Variants in ERBB4 observed in about 807,000 individuals in gnomAD.
The protein encoded by ERBB4 is erb-b2 receptor tyrosine kinase 4.
A neutral mutation model predicts 158.0 loss-of-function variants in ERBB4; 42 were observed. That is an observed-to-expected ratio of 0.27 (90% confidence interval 0.21 to 0.34). The LOEUF (loss-of-function observed/expected upper bound fraction) is 0.34, where lower values mean the gene tolerates loss of function less well. ERBB4 is among the 10% of genes least tolerant of loss of function. ERBB4 has a pLI of 1.00. For missense variants in ERBB4, 1,333 were observed against 1,624.1 expected (o/e 0.82, Z 3.08); for synonymous variants, 583 against 558.7 (o/e 1.04, Z -0.61).
intron 2 of ERBB4, among the ~76,000 whole-genome samples, chr2:212,003,729 G>A (rs148936639): frequency 6.6e-6 from 1 of 151,962 alleles, no homozygotes; most frequent in African/African-American, 2.4e-5. Flanking sequence ...CGTATTAATC[G>A]ACCTGTTCCA....
chr2:212,416,914 T>C (rs565151240), intron 1 of ERBB4, among the ~76,000 whole-genome samples: 9 of 152,220 alleles, frequency 5.9e-5, no homozygotes, highest in African/African-American at 2.2e-4. Flanking sequence ...ATAAGGATGA[T>C]TTTCACTTCC....
chr2:211,822,983 A>G (rs1447536785), intron 3 of ERBB4, among the ~76,000 whole-genome samples: 1 of 151,956 alleles, frequency 6.6e-6, no homozygotes, highest in Non-Finnish European at 1.5e-5. Flanking sequence ...TACCATCATC[A>G]TGGGAAGAAC....
chr2:211,562,211 A>C (rs2067415678), intron 19 of ERBB4, 123 bp from the exon 20 acceptor site: 3 of 780,936 alleles, frequency 3.8e-6, no homozygotes, highest in East Asian at 2.6e-5. Context: ...GGAATCAATC[A>C]AAATGAAAAG....
chr2:211,697,003 A>AAATG (rs1373775888), intron 12 of ERBB4, among the ~76,000 whole-genome samples: 1 of 152,176 alleles, frequency 6.6e-6, no homozygotes, highest in Non-Finnish European at 1.5e-5. Context: ...AATCACGGTG[A>AAATG]AATGAAGAGC....
intron 3 of ERBB4, among the ~76,000 whole-genome samples, chr2:211,810,182 G>A (rs534869978): frequency 1.3e-5 from 2 of 152,304 alleles, no homozygotes; most frequent in East Asian, 1.9e-4. Context: ...TTGGGGAAGC[G>A]AGTTCTGTAG....
intron 2 of ERBB4, among the ~76,000 whole-genome samples, chr2:212,067,889 A>G (rs2077991145): frequency 6.6e-6 from 1 of 151,468 alleles, no homozygotes; most frequent in Non-Finnish European, 1.5e-5. Context: ...TAGAATTGCT[A>G]CCTACTAACT....
At chr2:212,305,956 G>A (rs1464242570) in intron 1 of ERBB4, among the ~76,000 whole-genome samples, 1 of 151,266 alleles carries the variant, frequency 6.6e-6, no homozygotes, top group African/African-American at 2.4e-5. Context: ...TAATTTATTT[G>A]AAGCCAATGA....
intron 6 of ERBB4, among the ~76,000 whole-genome samples, chr2:211,724,064 G>A (rs1201558241): frequency 6.6e-6 from 1 of 152,194 alleles, no homozygotes; most frequent in Non-Finnish European, 1.5e-5. Context: ...TGAAACACCT[G>A]CAGTGTTCAA....
At chr2:211,659,908 C>G (rs191324174) in intron 15 of ERBB4, among the ~76,000 whole-genome samples, 2 of 152,150 alleles carry the variant, frequency 1.3e-5, no homozygotes, top group Admixed American at 1.3e-4. Flanking sequence ...AGGGCAGACA[C>G]CTAGAGCCAA....
At position 212,080,244 on chromosome 2, in the gene ERBB4, C is replaced by T. The variant is rs146668310; in HGVS notation, c.234+44508G>A. ...GGAAAATCCGTTTGAACCCGGGAAG[C>T]GGAGGTTGCAGTGAGCCGGGATTGT... is the stretch of plus-strand genomic sequence containing the variant. On this transcript the variant is annotated intron_variant, in intron 2 of 27. Coordinates refer to ENST00000342788, the MANE Select transcript of ERBB4 (RefSeq NM_005235.3). 1.5e-3 allele frequency among the ~76,000 whole-genome samples: 234 copies of T among 151,570 alleles called. 1 individual carries two copies. The highest frequency in any genetic ancestry group is 5.3e-3 in the African/African-American group (220 of 41,302).
chr2:212,488,574 T>A (rs551331662), intron 1 of ERBB4, among the ~76,000 whole-genome samples: 1 of 151,998 alleles, frequency 6.6e-6, no homozygotes, highest in Admixed American at 6.6e-5. Context: ...AAGATTTGGG[T>A]TACAAAGGAT....
chr2:212,308,573 T>G (rs1215535510), intron 1 of ERBB4, among the ~76,000 whole-genome samples: 1 of 151,006 alleles, frequency 6.6e-6, no homozygotes, highest in Non-Finnish European at 1.5e-5. Context: ...GTTTAAAGTA[T>G]TAAAGGTTGA....
intron 1 of ERBB4, among the ~76,000 whole-genome samples, chr2:212,527,685 A>T (rs1692522632): frequency 8.1e-6 from 1 of 123,074 alleles, no homozygotes; most frequent in South Asian, 2.4e-4. Flanking sequence ...GCAGATCCCC[A>T]AATCTTTTAT....
At chr2:212,013,738 A>G (rs1409246901) in intron 2 of ERBB4, among the ~76,000 whole-genome samples, 1 of 152,076 alleles carries the variant, frequency 6.6e-6, no homozygotes, top group Non-Finnish European at 1.5e-5. Flanking sequence ...TCTTCCCTAG[A>G]GCATCTTTTG....
intron 1 of ERBB4, among the ~76,000 whole-genome samples, chr2:212,256,362 C>T (rs148106262): frequency 0.012 from 1,828 of 152,128 alleles, 25 homozygotes; most frequent in African/African-American, 0.041. Context: ...TCATCGTCAT[C>T]ATTTTATTAT....
At chr2:211,962,601 T>A (rs1361681556) in intron 2 of ERBB4, among the ~76,000 whole-genome samples, 2 of 152,120 alleles carry the variant, frequency 1.3e-5, no homozygotes, top group African/African-American at 4.8e-5. Flanking sequence ...ATGTTCTTAG[T>A]TGCAGGGTAA....
At chr2:211,795,845 T>C (rs1344621354) in intron 3 of ERBB4, among the ~76,000 whole-genome samples, 1 of 151,752 alleles carries the variant, frequency 6.6e-6, no homozygotes, top group Non-Finnish European at 1.5e-5. Context: ...TTCTGGGTGA[T>C]CATATGAGTA....
chr2:211,987,468 T>C (rs1425404983), intron 2 of ERBB4, among the ~76,000 whole-genome samples: 4 of 151,892 alleles, frequency 2.6e-5, no homozygotes, highest in African/African-American at 9.7e-5. Context: ...TCAGATTAAC[T>C]CAATGTTCAG....
intron 20 of ERBB4, among the ~76,000 whole-genome samples, chr2:211,449,445 A>G (rs551264573): frequency 1.3e-5 from 2 of 152,320 alleles, no homozygotes; most frequent in Middle Eastern, 3.4e-3. Flanking sequence ...TAATATAACC[A>G]TAAATTGAGC....
Sources: gnomAD v4.1 joint callset for allele counts (sites outside exome capture counted in the v4.1 genomes callset) on GRCh38, gnomAD v4.1.1 for gene constraint, MANE v1.5 for transcripts, NCBI Gene and HGNC (gene_info 2026-07-23, HGNC 2026-07-21) for gene names.